ART1: variants seen among roughly 807,000 people sequenced by gnomAD.
ART1 encodes GPI-linked NAD(P)(+)--arginine ADP-ribosyltransferase 1.
A neutral mutation model predicts 27.0 loss-of-function variants in ART1; 29 were observed. The observed-to-expected ratio is 1.08, with a 90% CI of 0.80 to 1.47. The LOEUF (loss-of-function observed/expected upper bound fraction) is 1.47, where lower values mean the gene tolerates loss of function less well. Ranked by LOEUF, ART1 falls within the 40% of genes most tolerant of loss-of-function variation. The pLI is 0.00. For missense variants in ART1, 480 were observed against 423.0 expected (o/e 1.13, Z -1.18); for synonymous variants, 201 against 172.2 (o/e 1.17, Z -1.31).
At chr11:3,661,220 T>C in intron 3 of ART1, 152 bp from the exon 4 acceptor site, 1 of 649,286 alleles carries the variant, frequency 1.5e-6, no homozygotes, top group Non-Finnish European at 2.5e-6. Flanking sequence ...GCAAACCTAG[T>C]CAAGGGAGGT....
chr11:3,655,058 G>T (rs1046580162), intron 1 of ART1, among the ~76,000 whole-genome samples: 4 of 152,214 alleles, frequency 2.6e-5, no homozygotes, highest in Non-Finnish European at 4.4e-5. Context: ...TCTTTGGGTT[G>T]ACGGCAAGTG....
chr11:3,650,810 G>A (rs1025179317), intron 1 of ART1, among the ~76,000 whole-genome samples: 4 of 144,670 alleles, frequency 2.8e-5, no homozygotes, highest in African/African-American at 1.0e-4. Context: ...TCCTCCCCTT[G>A]TATCTCCCCA....
At chr11:3,650,139 A>G (rs2077508065) in intron 1 of ART1, among the ~76,000 whole-genome samples, 1 of 152,222 alleles carries the variant, frequency 6.6e-6, no homozygotes, top group Admixed American at 6.5e-5. Flanking sequence ...CCGGCACACA[A>G]GAACTTCCAC....
At chr11:3,646,067 T>G (rs190910305) in intron 1 of ART1, among the ~76,000 whole-genome samples, 5,236 of 152,100 alleles carry the variant, frequency 0.034, 303 homozygotes, top group African/African-American at 0.12. Flanking sequence ...TGTTTTGTTT[T>G]TTTTTTCTAG....
chr11:3,663,334 T>C (rs553236768), intron 4 of ART1, among the ~76,000 whole-genome samples: 1 of 152,240 alleles, frequency 6.6e-6, no homozygotes, highest in Non-Finnish European at 1.5e-5. Context: ...TGAGTTCTGA[T>C]TATGTAATTC....
chr11:3,651,385 A>C (rs1396592778), intron 1 of ART1, among the ~76,000 whole-genome samples: 3 of 150,394 alleles, frequency 2.0e-5, no homozygotes, highest in Admixed American at 2.0e-4. Context: ...TAATTCTCAT[A>C]AAAACACACG....
At chr11:3,655,478 G>A (rs1332287176) in intron 1 of ART1, 1 of 152,138 alleles carries the variant, frequency 6.6e-6, no homozygotes, top group East Asian at 1.9e-4. Context: ...TACACTTTTG[G>A]CCTGCCCTGT....
chr11:3,650,505 T>C (rs2077512264), intron 1 of ART1, among the ~76,000 whole-genome samples: 1 of 152,214 alleles, frequency 6.6e-6, no homozygotes, highest in African/African-American at 2.4e-5. Flanking sequence ...GTCCCCTTCT[T>C]AATCAATATG....
chr11:3,649,388 C>T (rs184326572), intron 1 of ART1, among the ~76,000 whole-genome samples: 19 of 152,322 alleles, frequency 1.2e-4, no homozygotes, highest in Middle Eastern at 3.4e-3. Context: ...AATGGACAAA[C>T]GGTCTGAGGT....
At position 3,649,560 on chromosome 11, in the gene ART1, C is replaced by T. The variant is rs576003164; in HGVS notation, c.-53+4381C>T. Among the ~76,000 whole-genome samples the T allele has an allele frequency of 1.6e-4, 24 of 152,342 alleles. No individual in the cohort carries two copies. In the East Asian group the frequency reaches 1.7e-3, roughly 11 times the overall value. ...CTTCCTTTTCTACAGACCCGTCTGA[C>T]GTCTCCCCTCCTCCCCAGGCTGCTC... On this transcript the variant is annotated intron_variant, in intron 1 of 4. Transcript: ENST00000250693.
At position 3,652,899 on chromosome 11, in the gene ART1, G is replaced by C. The variant is rs970648474; in HGVS notation, c.-52-6263G>C. On this transcript the variant is annotated intron_variant, in intron 1 of 4. Transcript: ENST00000250693. ...GGCACTCTCTAATCAGATGTCCTAG[G>C]TCCTCCCAATTCTTAGACCTTTTAT... Among the ~76,000 whole-genome samples the C allele has an allele frequency of 6.0e-5, 9 of 149,916 alleles. 1 individual carries two copies. Among genetic ancestry groups the C allele is most frequent in the African/African-American group, 1.5e-4 (6 of 39,570 alleles).
chr11:3,648,113 A>T (rs1002261081), intron 1 of ART1, among the ~76,000 whole-genome samples: 1 of 151,074 alleles, frequency 6.6e-6, no homozygotes, highest in Admixed American at 6.6e-5. Flanking sequence ...TGTGACCCCC[A>T]CTCTGCCTGC....
At chr11:3,652,508 A>G (rs2077532222) in intron 1 of ART1, among the ~76,000 whole-genome samples, 1 of 152,158 alleles carries the variant, frequency 6.6e-6, no homozygotes, top group South Asian at 2.1e-4. Flanking sequence ...AAAGGACTGG[A>G]TAATACTTCT....
chr11:3,659,721 G>C lies in ART1; in HGVS notation c.202G>C (p.Glu68Gln), dbSNP rs773457083. Residue 68 changes from glutamate (E) to glutamine (Q), a missense_variant, in exon 3 of 5, where the codon GAG becomes CAG. Physicochemically the swap from Glu to Gln is conservative, Grantham distance 29. Transcript: ENST00000250693. ...TAALPDLNHT[E>Q]FQANQVYADS... ...TGCTCTCCCGGATCTCAACCACACG[G>C]AGTTCCAGGCCAACCAGGTGTATGC... 7 of 1,613,922 alleles carry C rather than the reference G, an allele frequency of 4.3e-6. No homozygotes were observed. The highest frequency in any genetic ancestry group is 5.9e-6 in the Non-Finnish European group (7 of 1,180,020).
Position 3,664,040 on chromosome 11 carries a change from CCT to C in ART1, c.887-49_887-48del, listed in dbSNP as rs1314626907. 1.7e-5 allele frequency: 27 copies of C among 1,582,114 alleles called. No homozygotes were observed. In the East Asian group the frequency reaches 3.6e-4, roughly 21 times the overall value. On this transcript the variant is annotated intron_variant, in intron 4 of 4. Coordinates refer to ENST00000250693, the MANE Select transcript of ART1 (RefSeq NM_004314.3). ...ACTTTTGCTCCTGTGCTCCTAAATA[CCT>C]CTTTTTTTCTCTCTCTCTCCCCCAA...
rs866922668 is a variant in ART1, at chr11:3,654,789, C to T, written c.-52-4373C>T. ...ATCAGACATCAAGTCTTGTAAATTC[C>T]ACCTCCTACCTCTGTCTGTCCTCAC... On this transcript the variant is annotated intron_variant, in intron 1 of 4. Coordinates refer to ENST00000250693, the MANE Select transcript of ART1 (RefSeq NM_004314.3). 3.2e-4 allele frequency among the ~76,000 whole-genome samples: 49 copies of T among 151,062 alleles called. 1 individual carries two copies. The highest frequency in any genetic ancestry group is 5.3e-4 in the Admixed American group (8 of 15,004).
chr11:3,653,062 G>T (rs542353130), intron 1 of ART1, among the ~76,000 whole-genome samples: 2 of 147,794 alleles, frequency 1.4e-5, no homozygotes, highest in South Asian at 2.2e-4. Context: ...CAAAATCTTC[G>T]TTCAGCTTAA....
chr11:3,663,090 T>TCATC (rs1304354276), intron 4 of ART1, among the ~76,000 whole-genome samples: 2 of 24,024 alleles, frequency 8.3e-5, no homozygotes, highest in Non-Finnish European at 2.2e-4. Flanking sequence ...TCTCATCTCA[T>TCATC]CATCTCATCT....
At chr11:3,655,457 A>G (rs1481427849) in intron 1 of ART1, 1 of 152,228 alleles carries the variant, frequency 6.6e-6, no homozygotes, top group Admixed American at 6.5e-5. Flanking sequence ...CCTTGAGAAT[A>G]TTAAATCCCT....
Sources: allele counts gnomAD v4.1 joint callset (sites outside exome capture counted in the v4.1 genomes callset), GRCh38; gene constraint gnomAD v4.1.1; transcripts MANE v1.5; gene names NCBI Gene and HGNC (gene_info 2026-07-23, HGNC 2026-07-21).